The following USP54 variants were observed in gnomAD, a reference collection of about 807,000 sequenced individuals.
USP54 encodes ubiquitin carboxyl-terminal hydrolase 54.
Under a neutral mutation model 170.5 loss-of-function variants are expected in USP54, and 87 were observed. The ratio of observed to expected loss-of-function variants is 0.51; its 90% CI spans 0.43 to 0.61. The LOEUF (loss-of-function observed/expected upper bound fraction) is 0.61, where lower values mean the gene tolerates loss of function less well. USP54 is among the 20% of genes least tolerant of loss of function. The pLI is 0.00. For synonymous variants in USP54, 655 were observed against 742.8 expected, an observed-to-expected ratio of 0.88 and a Z score of 1.92; for missense variants, 1,786 against 2,047.8, an observed-to-expected ratio of 0.87 and a Z score of 2.47.
chr10:73,621,436 C>A (rs2081082419), intron 1 of USP54, among the ~76,000 whole-genome samples: 1 of 150,764 alleles, frequency 6.6e-6, no homozygotes, highest in Non-Finnish European at 1.5e-5. Context: ...CCTGTCTCTA[C>A]TAAAAATACA....
In USP54 at chr10:73,520,940, G is replaced by A; in HGVS notation, c.2450C>T (p.Ala817Val). ...TTCATTACAGAGAGCCAAAGCTGCAGCACAGTCTCCTTTCTGTTCCAGATG... is the reference window on the plus strand; with the variant it reads ...TTCATTACAGAGAGCCAAAGCTGCAACACAGTCTCCTTTCTGTTCCAGATG... ...SLHLEQKGDCAAALALCNEAI... is the reference protein window; with the variant it reads ...SLHLEQKGDCVAALALCNEAI... Residue 817 changes from alanine to valine, a missense_variant, in exon 18 of 24, where the codon GCT (alanine) becomes GTT (valine). Physicochemically the swap from Ala to Val is moderately conservative, Grantham distance 64 (BLOSUM62 0). Transcript: ENST00000687698. 1 of 1,614,154 alleles carries A rather than the reference G, an allele frequency of 6.2e-7. No homozygotes were observed. The highest frequency in any genetic ancestry group is 8.5e-7 in the Non-Finnish European group (1 of 1,180,046).
intron 11 of USP54, 21 bp from the exon 12 acceptor site, chr10:73,534,791 A>G: frequency 6.2e-7 from 1 of 1,610,416 alleles, no homozygotes; most frequent in African/African-American, 1.3e-5. Flanking sequence ...GAGGAAACAC[A>G]TATGCAAAAA....
intron 3 of USP54, among the ~76,000 whole-genome samples, chr10:73,573,246 A>G (rs2075537674): frequency 6.6e-6 from 1 of 152,140 alleles, no homozygotes; most frequent in African/African-American, 2.4e-5. Flanking sequence ...AGCTATGATT[A>G]CACCAGTGTA....
In USP54 at chr10:73,498,075, A is replaced by G. The variant is rs1261695433; in HGVS notation, c.*554T>C. 6.6e-6 allele frequency: 1 copy of G among 152,456 alleles called. No individual in the cohort carries two copies. The highest frequency in any genetic ancestry group is 1.9e-4 in the East Asian group (1 of 5,196). 9.4% of individuals were successfully genotyped at this position (152,456 alleles called of 1,614,324 possible). The stretch of plus-strand genomic sequence containing the variant: ...GATTCATCTTTAAAGTGGCTCAGAT[A>G]AAACCCTTAAACAGCAGCTGCTTCC... On this transcript the variant is annotated 3_prime_UTR_variant, in exon 24 of 24. Transcript: ENST00000687698.
intron 4 of USP54, among the ~76,000 whole-genome samples, chr10:73,568,877 T>C (rs1204218074): frequency 1.3e-5 from 2 of 152,214 alleles, no homozygotes; most frequent in African/African-American, 4.8e-5. Flanking sequence ...TCTCAGAGGG[T>C]AAGTCTAGCG....
chr10:73,573,700 G>T (rs762111233), intron 3 of USP54, among the ~76,000 whole-genome samples: 1 of 152,192 alleles, frequency 6.6e-6, no homozygotes, highest in Non-Finnish European at 1.5e-5. Context: ...AAGAGGCGGA[G>T]GTGGCAGTGA....
At chr10:73,513,965 G>A (rs1249005614) in intron 20 of USP54, among the ~76,000 whole-genome samples, 1 of 151,996 alleles carries the variant, frequency 6.6e-6, no homozygotes, top group African/African-American at 2.4e-5. Flanking sequence ...ACAGGTGCCC[G>A]CCACCATGCC....
chr10:73,582,104 C>CCT (rs150675557), intron 1 of USP54, among the ~76,000 whole-genome samples: 5,358 of 152,256 alleles, frequency 0.035, 152 homozygotes, highest in South Asian at 0.11. Flanking sequence ...CTTCTCTCAG[C>CCT]CTGTTTCGGA....
intron 9 of USP54, among the ~76,000 whole-genome samples, chr10:73,540,441 G>C (rs946181769): frequency 3.9e-5 from 6 of 152,002 alleles, no homozygotes; most frequent in Admixed American, 6.6e-5. Context: ...ATGGTGGCAG[G>C]CACCTGTAGT....
Position 73,539,578 on chromosome 10 carries a change from T to A in USP54, c.841A>T (p.Thr281Ser). The A allele has an allele frequency of 6.2e-7, 1 of 1,600,208 alleles. No homozygotes were observed. Among genetic ancestry groups the A allele is most frequent in the African/African-American group, 1.3e-5 (1 of 74,844 alleles). Residue 281 changes from threonine to serine, a missense_variant, in exon 10 of 24, where the codon ACG becomes TCG. Physicochemically the swap from Thr to Ser is moderately conservative, Grantham distance 58. This residue lies in a region of USP54 where 361 missense variants were observed against 455.0 expected (regional missense o/e 0.79). Transcript: ENST00000687698. The part of the protein sequence containing the change: ...LKLGDLFFRV[T>S]DDRAKQSELY... ...TCAGATTGCTTGGCCCGGTCATCCG[T>A]CACTCTGAAAAACAGCTGAGGGGAA... is the stretch of plus-strand genomic sequence containing the variant.
intron 1 of USP54, among the ~76,000 whole-genome samples, chr10:73,577,327 T>A (rs1173074693): frequency 6.6e-6 from 1 of 152,194 alleles, no homozygotes; most frequent in Admixed American, 6.5e-5. Flanking sequence ...CTACAGCATG[T>A]CCAATGGAAA....
In USP54 at chr10:73,586,550, T is replaced by C. The variant is rs529316215; in HGVS notation, c.-582+4728A>G. Among the ~76,000 whole-genome samples the C allele has an allele frequency of 2.0e-4, 30 of 152,314 alleles. No individual in the cohort carries two copies. The South Asian group carries it at 5.6e-3, about 28-fold the overall frequency. ...AGGCATTGAATCACTGACAGTTTCA[T>C]TGAAAGAGAAAACTTTTTGTTTGAA... On this transcript the variant is annotated intron_variant, in intron 1 of 23. Transcript: ENST00000687698.
chr10:73,618,452 A>C (rs1355644275), intron 1 of USP54, among the ~76,000 whole-genome samples: 1 of 150,382 alleles, frequency 6.6e-6, no homozygotes, highest in Non-Finnish European at 1.5e-5. Context: ...TTGGTAAAAA[A>C]TTAGCTGGGG....
intron 1 of USP54, among the ~76,000 whole-genome samples, chr10:73,616,962 A>T (rs916745909): frequency 6.6e-6 from 1 of 150,792 alleles, no homozygotes; most frequent in Non-Finnish European, 1.5e-5. Context: ...ATAAGCAAAG[A>T]ATAAGCAATT....
intron 16 of USP54, 24 bp downstream of exon 16, chr10:73,526,623 C>A (rs1473060369): frequency 6.2e-7 from 1 of 1,612,468 alleles, no homozygotes; most frequent in Admixed American, 1.7e-5. Flanking sequence ...ATCCAGTCCT[C>A]AAATTCAGTG....
At chr10:73,524,618 T>C (rs1289629155) in intron 16 of USP54, among the ~76,000 whole-genome samples, 2 of 151,974 alleles carry the variant, frequency 1.3e-5, no homozygotes, top group Non-Finnish European at 2.9e-5. Flanking sequence ...ACAACAACAT[T>C]TATGGAGTGC....
intron 1 of USP54, among the ~76,000 whole-genome samples, chr10:73,600,559 A>G (rs2079085599): frequency 6.6e-6 from 1 of 152,226 alleles, no homozygotes; most frequent in Admixed American, 6.5e-5. Flanking sequence ...TCCATTCAAA[A>G]TAATAAACAA....
In USP54 at chr10:73,523,759, T is replaced by C. The variant is rs759371694; in HGVS notation, c.2195-9A>G. The stretch of plus-strand genomic sequence containing the variant: ...AGAAGATATCTCCTCACCTGTAATA[T>C]AAGCAAGGGAGAAGTCACCACATTT... On this transcript the variant is annotated splice_polypyrimidine_tract_variant and intron_variant, in intron 16 of 23. Transcript: ENST00000687698. 1.9e-5 allele frequency: 30 copies of C among 1,606,988 alleles called. No individual in the cohort carries two copies. Among genetic ancestry groups the C allele is most frequent in the Non-Finnish European group, 2.5e-5 (29 of 1,175,442 alleles).
chr10:73,501,850 T>C (rs772009975), intron 22 of USP54, among the ~76,000 whole-genome samples: 9 of 152,208 alleles, frequency 5.9e-5, no homozygotes, highest in Non-Finnish European at 1.2e-4. Flanking sequence ...GCTCATACTT[T>C]CATATCACTG....
Sources: allele counts gnomAD v4.1 joint callset (sites outside exome capture counted in the v4.1 genomes callset), GRCh38; gene constraint gnomAD v4.1.1; regional missense constraint gnomAD v4.1.1; transcripts MANE v1.5; gene names NCBI Gene and HGNC (gene_info 2026-07-23, HGNC 2026-07-21).